The following RGS12 variants were observed in gnomAD, a reference collection of about 807,000 sequenced individuals.
RGS12 encodes regulator of G protein signaling 12.
RGS12 carries 66 observed loss-of-function variants against 120.1 expected under a neutral mutation model. That is an observed-to-expected ratio of 0.55 (90% CI 0.45 to 0.67). The LOEUF (loss-of-function observed/expected upper bound fraction) is 0.67. Among genes scored for constraint, RGS12 ranks in the 30% least tolerant of loss-of-function variants. RGS12 has a pLI of 0.00. For synonymous variants in RGS12, 827 were observed against 804.7 expected (o/e 1.03, Z -0.47); for missense variants, 1,859 against 1,957.7 (o/e 0.95, Z 0.95).
intron 2 of RGS12, among the ~76,000 whole-genome samples, chr4:3,329,632 T>A (rs1248905117): frequency 7.1e-6 from 1 of 141,428 alleles, no homozygotes; most frequent in Non-Finnish European, 1.5e-5. Context: ...TTGAGTGTGA[T>A]GCGACTGAAG....
intron 3 of RGS12, among the ~76,000 whole-genome samples, chr4:3,351,637 C>T (rs1714364998): frequency 6.6e-6 from 1 of 152,012 alleles, no homozygotes; most frequent in African/African-American, 2.4e-5. Flanking sequence ...TCAAAGTTGG[C>T]AGAAAAAAGA....
chr4:3,310,767 T>C (rs916138510), intron 1 of RGS12, among the ~76,000 whole-genome samples: 3 of 151,898 alleles, frequency 2.0e-5, no homozygotes, highest in Non-Finnish European at 4.4e-5. Flanking sequence ...ACATGATGAC[T>C]ATGGGAGGGT....
chr4:3,360,258 C>G (rs531702916), intron 3 of RGS12, among the ~76,000 whole-genome samples: 2 of 152,076 alleles, frequency 1.3e-5, no homozygotes, highest in Non-Finnish European at 2.9e-5. Flanking sequence ...CTCTTTTTTT[C>G]CCTTAGTTCA....
At chr4:3,435,003 C>G (rs1724671247) in intron 17 of RGS12, among the ~76,000 whole-genome samples, 1 of 152,078 alleles carries the variant, frequency 6.6e-6, no homozygotes, top group African/African-American at 2.4e-5. Context: ...CAGGGAGATG[C>G]TAGGCACCAC....
At chr4:3,367,375 A>C (rs1425170827) in intron 3 of RGS12, among the ~76,000 whole-genome samples, 1 of 152,264 alleles carries the variant, frequency 6.6e-6, no homozygotes, top group African/African-American at 2.4e-5. Flanking sequence ...TGTGCAGCGC[A>C]TGATCGGGTG....
chr4:3,398,989 A>C (rs561883246), intron 4 of RGS12, among the ~76,000 whole-genome samples: 2 of 152,322 alleles, frequency 1.3e-5, no homozygotes, highest in Admixed American at 1.3e-4. Context: ...AAATGATAAC[A>C]AAAAAGAATT....
At chr4:3,432,023 C>T (rs1724355924) in intron 17 of RGS12, 6 of 985,384 alleles carry the variant, frequency 6.1e-6, no homozygotes, top group Non-Finnish European at 7.2e-6. Context: ...GATGAGAAAG[C>T]CTGAGGTGCC....
intron 3 of RGS12, among the ~76,000 whole-genome samples, chr4:3,351,650 T>C (rs1714367049): frequency 6.6e-6 from 1 of 152,122 alleles, no homozygotes; most frequent in Admixed American, 6.6e-5. Context: ...AAAAAAGAGA[T>C]GGAGAGTTAA....
intron 3 of RGS12, among the ~76,000 whole-genome samples, chr4:3,375,821 G>T (rs1341874571): frequency 6.6e-6 from 1 of 152,242 alleles, no homozygotes; most frequent in East Asian, 1.9e-4. Flanking sequence ...GCCAGTCCCT[G>T]TCCAGAACCT....
In RGS12 at chr4:3,414,053, G is replaced by C; in HGVS notation, c.2021-19G>C. On this transcript the variant is annotated intron_variant, in intron 4 of 17. Transcript: ENST00000336727. ...GGCGGAGGGCAGGGGTGCAGGTGCT[G>C]TCTGTGCTGGTCCCGCAGAGTTGAC... The C allele has an allele frequency of 6.5e-7, 1 of 1,534,332 alleles. No individual in the cohort carries two copies. The highest frequency in any genetic ancestry group is 8.8e-7 in the Non-Finnish European group (1 of 1,141,882).
intron 4 of RGS12, among the ~76,000 whole-genome samples, chr4:3,405,646 CCTT>C (rs1237610597): frequency 2.0e-5 from 3 of 151,468 alleles, no homozygotes; most frequent in Admixed American, 1.3e-4. Context: ...AGAATGTCCA[CCTT>C]CTTAGGAAAT....
Position 3,389,097 on chromosome 4 carries a change from T to G in RGS12, c.2020+2660T>G, listed in dbSNP as rs1221171776. Among the ~76,000 whole-genome samples, 1 of 152,204 alleles carries G rather than the reference T, an allele frequency of 6.6e-6. No homozygotes were observed. Among genetic ancestry groups the G allele is most frequent in the Non-Finnish European group, 1.5e-5 (1 of 68,038 alleles). On this transcript the variant is annotated intron_variant, in intron 4 of 17. Coordinates refer to ENST00000336727, the MANE Select transcript of RGS12 (RefSeq NM_001394154.1). This position sits in a 1 kb window ranked among gnomAD's most constrained non-coding sequence, Gnocchi z 5.2. The stretch of plus-strand genomic sequence containing the variant: ...TTCATTCTGTGACGCGTATCGTGCT[T>G]TTATAGCTTAGGCTCTCGCTGGAGA...
intron 4 of RGS12, among the ~76,000 whole-genome samples, chr4:3,401,009 A>C (rs146905700): frequency 6.6e-6 from 1 of 152,280 alleles, no homozygotes; most frequent in African/African-American, 2.4e-5. Context: ...AAAGATAATC[A>C]TCATTTACAA....
chr4:3,348,492 T>C (rs1380827087), intron 3 of RGS12, among the ~76,000 whole-genome samples: 1 of 152,174 alleles, frequency 6.6e-6, no homozygotes, highest in Non-Finnish European at 1.5e-5. Context: ...TACTTGAATT[T>C]AATGAGACAT....
At position 3,294,923 on chromosome 4, in the gene RGS12, G is replaced by C. The variant is rs182086272; in HGVS notation, c.-102+1824G>C. ...ACTGGAGGTACAGTACTGACCTGTG[G>C]AGTGCTCAGGAGAGGGCAGGGGTGG... On this transcript the variant is annotated intron_variant, in intron 1 of 17. Coordinates refer to ENST00000336727, the MANE Select transcript of RGS12 (RefSeq NM_001394154.1). 3.9e-5 allele frequency among the ~76,000 whole-genome samples: 6 copies of C among 152,276 alleles called. No individual in the cohort carries two copies. In the East Asian group the frequency reaches 9.6e-4, roughly 24 times the overall value.
At chr4:3,384,368 G>A (rs1272336675) in intron 3 of RGS12, among the ~76,000 whole-genome samples, 1 of 152,148 alleles carries the variant, frequency 6.6e-6, no homozygotes, top group Non-Finnish European at 1.5e-5. Context: ...TGACCAGGCT[G>A]GTCTCGAACT....
chr4:3,399,465 G>A (rs1720366035), intron 4 of RGS12, among the ~76,000 whole-genome samples: 1 of 152,016 alleles, frequency 6.6e-6, no homozygotes, highest in African/African-American at 2.4e-5. Flanking sequence ...TACAAAAAAA[G>A]AAAAAGAGGA....
chr4:3,306,009 C>G (rs985953084), intron 1 of RGS12, among the ~76,000 whole-genome samples: 3 of 152,228 alleles, frequency 2.0e-5, no homozygotes, highest in African/African-American at 7.2e-5. Context: ...GGGAGTCTCA[C>G]TGGTGTCCAT....
rs568172462 is a variant in RGS12 at position 3,348,282 on chromosome 4, A to G, written c.1998+5229A>G. ...CACAGGGAGTTCCATGAATGTAAAC[A>G]AACAACCCACTCAAAGCTCAGTTTT... On this transcript the variant is annotated intron_variant, in intron 3 of 17. Coordinates refer to ENST00000336727, the MANE Select transcript of RGS12 (RefSeq NM_001394154.1). Among the ~76,000 whole-genome samples, 7 of 152,342 alleles carry G rather than the reference A, an allele frequency of 4.6e-5. No homozygotes were observed. In the East Asian group the frequency reaches 1.3e-3, roughly 29 times the overall value.
Sources: allele counts gnomAD v4.1 joint callset (sites outside exome capture counted in the v4.1 genomes callset), GRCh38; gene constraint gnomAD v4.1.1; non-coding constraint Gnocchi (gnomAD v3.1); transcripts MANE v1.5; gene names NCBI Gene and HGNC (gene_info 2026-07-23, HGNC 2026-07-21).